The following NFASC variants were observed in gnomAD, a reference collection of about 807,000 sequenced individuals.
NFASC encodes neurofascin homolog.
NFASC carries 43 observed loss-of-function variants against 147.5 expected under a neutral mutation model. The ratio of observed to expected loss-of-function variants is 0.29; its 90% CI spans 0.23 to 0.38. The LOEUF (loss-of-function observed/expected upper bound fraction) is 0.38, where lower values mean the gene tolerates loss of function less well. Among genes scored for constraint, NFASC ranks in the 10% least tolerant of loss-of-function variants. The pLI, the probability that NFASC is intolerant of heterozygous loss-of-function variation, is 1.00. For missense variants in NFASC, 1,320 were observed against 1,689.0 expected (o/e 0.78, Z 3.83); for synonymous variants, 622 against 665.5 (o/e 0.93, Z 1.01).
chr1:204,912,149 T>C (rs922634906), intron 1 of NFASC, among the ~76,000 whole-genome samples: 2 of 151,870 alleles, frequency 1.3e-5, no homozygotes, highest in Non-Finnish European at 2.9e-5. Flanking sequence ...TCTTTATTAT[T>C]TCCTTCCTTC....
chr1:205,000,976 A>G, intron 25 of NFASC, 194 bp from the exon 26 acceptor site: 1 of 609,338 alleles, frequency 1.6e-6, no homozygotes, highest in African/African-American at 1.8e-5. Flanking sequence ...CCAAGGCTGC[A>G]GCTTGGAGCT....
At chr1:204,832,962 C>T (rs1380981360) in intron 1 of NFASC, among the ~76,000 whole-genome samples, 1 of 152,228 alleles carries the variant, frequency 6.6e-6, no homozygotes, top group Non-Finnish European at 1.5e-5. Context: ...TGCAAGGGCC[C>T]AGGCCTAACT....
At chr1:204,836,167 CGT>C (rs372071605) in intron 1 of NFASC, among the ~76,000 whole-genome samples, 41 of 150,564 alleles carry the variant, frequency 2.7e-4, no homozygotes, top group African/African-American at 9.2e-4. Flanking sequence ...TCTGTGTGTG[CGT>C]GTGTGTGTGT....
chr1:204,995,267 C>G (rs2095821804), intron 24 of NFASC, among the ~76,000 whole-genome samples: 1 of 151,480 alleles, frequency 6.6e-6, no homozygotes, highest in African/African-American at 2.4e-5. Context: ...AGAGAACTGA[C>G]CTTTGCCCCA....
rs200301998 is a variant in NFASC at position 204,957,765 on chromosome 1, C to G, written c.645C>G (p.Ala215=). 3 of 1,614,154 alleles carry G rather than the reference C, an allele frequency of 1.9e-6. No homozygotes were observed. The highest frequency in any genetic ancestry group is 2.5e-6 in the Non-Finnish European group (3 of 1,180,036). Residue 215 remains alanine, a synonymous_variant, in exon 8 of 30, where the codon GCC becomes GCG. Transcript: ENST00000339876. ...TGCAGACCGACTACAGTTGTAACGCCCGCTTCCACTTCACCCACACCATCC... is the reference window on the plus strand; with the variant it reads ...TGCAGACCGACTACAGTTGTAACGCGCGCTTCCACTTCACCCACACCATCC... ...QDMQTDYSCN[A]RFHFTHTIQQ... is the part of the protein sequence containing the mutation.
chr1:204,853,023 C>A (rs1443430278), intron 1 of NFASC, among the ~76,000 whole-genome samples: 3 of 152,140 alleles, frequency 2.0e-5, no homozygotes, highest in African/African-American at 7.2e-5. Context: ...TGTTCCCATG[C>A]CACCTCCTCC....
chr1:204,891,657 C>A (rs2082412035), intron 1 of NFASC, among the ~76,000 whole-genome samples: 1 of 152,166 alleles, frequency 6.6e-6, no homozygotes, highest in South Asian at 2.1e-4. Flanking sequence ...CCACACACCT[C>A]TATAGCACTG....
chr1:204,848,660 GGGAATAGCAACCGTT>G (rs1440128664), intron 1 of NFASC, among the ~76,000 whole-genome samples: 1 of 152,254 alleles, frequency 6.6e-6, no homozygotes, highest in African/African-American at 2.4e-5. Flanking sequence ...CCAGTTGCTT[GGGAATAGCAACCGTT>G]AATATTTTAT....
At chr1:204,885,563 A>G (rs183784190) in intron 1 of NFASC, among the ~76,000 whole-genome samples, 1 of 152,358 alleles carries the variant, frequency 6.6e-6, no homozygotes, top group African/African-American at 2.4e-5. Context: ...GTGCCAAAAT[A>G]TTCAGTACAT....
chr1:204,881,376 T>C (rs565525217), intron 1 of NFASC, among the ~76,000 whole-genome samples: 2 of 152,176 alleles, frequency 1.3e-5, no homozygotes, highest in Non-Finnish European at 2.9e-5. Flanking sequence ...TCCCTCCTCT[T>C]TTTTCTGATT....
chr1:204,971,941 C>G (rs536859000), intron 11 of NFASC, among the ~76,000 whole-genome samples: 4 of 152,324 alleles, frequency 2.6e-5, no homozygotes, highest in African/African-American at 9.6e-5. Context: ...AGCCTCAGCC[C>G]TGGAAAGGTC....
chr1:204,841,006 A>G (rs987929448), intron 1 of NFASC, among the ~76,000 whole-genome samples: 1 of 152,250 alleles, frequency 6.6e-6, no homozygotes, highest in South Asian at 2.1e-4. Flanking sequence ...AAATGATTGT[A>G]TAAGAATTCA....
intron 1 of NFASC, among the ~76,000 whole-genome samples, chr1:204,881,139 C>T (rs1012766761): frequency 2.1e-4 from 32 of 152,296 alleles, no homozygotes; most frequent in Admixed American, 1.6e-3. Flanking sequence ...GCTGTGTTCC[C>T]CACAATGGTG....
At chr1:205,003,327 C>T (rs965121233) in intron 27 of NFASC, among the ~76,000 whole-genome samples, 2 of 152,170 alleles carry the variant, frequency 1.3e-5, no homozygotes, top group Non-Finnish European at 1.5e-5. Flanking sequence ...TTTTGTCATG[C>T]AGGGAGAGGG....
At chr1:204,854,391 C>T (rs1408392531) in intron 1 of NFASC, among the ~76,000 whole-genome samples, 2 of 152,142 alleles carry the variant, frequency 1.3e-5, no homozygotes, top group African/African-American at 2.4e-5. Flanking sequence ...CCCCCACCCT[C>T]CTGACCTGGG....
intron 1 of NFASC, among the ~76,000 whole-genome samples, chr1:204,897,727 C>T (rs1488339846): frequency 1.3e-5 from 2 of 151,320 alleles, no homozygotes; most frequent in Non-Finnish European, 2.9e-5. Context: ...GTGTGTGCCA[C>T]CATGCTCAGC....
In NFASC at chr1:204,979,014, G is replaced by C. The variant is rs1225625900; in HGVS notation, c.1923G>C (p.Glu641Asp). 6 of 1,565,002 alleles carry C rather than the reference G, an allele frequency of 3.8e-6. No individual in the cohort carries two copies. In the Admixed American group the frequency reaches 1.1e-4, roughly 29 times the overall value. ...PRDLELTDLA[E>D]RSVRLTWIPG... Reference sequence around the variant, plus strand: ...ACCTGGAGCTGACCGACCTGGCCGAGAGGAGCGTGCGGCTGACCTGGATCC... The same window carrying C: ...ACCTGGAGCTGACCGACCTGGCCGACAGGAGCGTGCGGCTGACCTGGATCC... The change falls in exon 18 of 30, where the codon GAG (glutamate) becomes GAC (aspartate). Residue 641 changes from glutamate (E) to aspartate (D), a missense_variant. Around this residue, in one of 3 missense-constraint regions of NFASC, gnomAD observed 981 missense variants for 1,289.5 expected, o/e 0.76. Transcript: ENST00000339876. The surrounding 1 kb of genome is among the most constrained non-coding windows in gnomAD (Gnocchi z 6.0).
intron 2 of NFASC, among the ~76,000 whole-genome samples, chr1:204,941,337 G>A (rs2093351174): frequency 6.6e-6 from 1 of 152,222 alleles, no homozygotes; most frequent in African/African-American, 2.4e-5. Context: ...ATTATCTTGA[G>A]ATTCTTTTTC....
chr1:204,920,987 C>G (rs1228861195), intron 2 of NFASC, among the ~76,000 whole-genome samples: 7 of 152,206 alleles, frequency 4.6e-5, no homozygotes. Flanking sequence ...CAGGGACAGT[C>G]AGCCAACATT....
Sources: allele counts gnomAD v4.1 joint callset (sites outside exome capture counted in the v4.1 genomes callset), GRCh38; gene constraint gnomAD v4.1.1; regional missense constraint gnomAD v4.1.1; non-coding constraint Gnocchi (gnomAD v3.1); transcripts MANE v1.5; gene names NCBI Gene and HGNC (gene_info 2026-07-23, HGNC 2026-07-21).